DZIP1: variants seen among roughly 807,000 people sequenced by gnomAD.
The protein encoded by DZIP1 is cilium assembly protein DZIP1.
In DZIP1, 97 loss-of-function variants were observed where a neutral mutation model predicts 107.6. The observed-to-expected ratio is 0.90, with a 90% CI of 0.77 to 1.07. DZIP1 has a LOEUF of 1.07. DZIP1 is among the 50% of genes least tolerant of loss of function. The pLI, the probability that DZIP1 is intolerant of heterozygous loss-of-function variation, is 0.00. For synonymous variants in DZIP1, 390 were observed against 386.4 expected (o/e 1.01, Z -0.11); for missense variants, 1,035 against 1,063.6 (o/e 0.97, Z 0.37).
At position 95,606,051 on chromosome 13, in the gene DZIP1, G is replaced by A. The variant is rs762906838; in HGVS notation, c.1429C>T (p.Pro477Ser). 2.5e-6 allele frequency: 4 copies of A among 1,613,696 alleles called. No homozygotes were observed. The South Asian group carries it at 3.3e-5, about 13-fold the overall frequency. ...TTAGTTTCCAAAGTGTGCAGGGCTG[G>A]GGCATTCACTGAAACAGCATAAAAA... ...PAAPAVPMNA[P>S]ALHTLETKSS... is the part of the protein sequence containing the mutation. The change falls in exon 14 of 23, where the codon CCA becomes TCA. Residue 477 changes from proline (P) to serine (S), a missense_variant. By Grantham distance (74) the Pro-to-Ser change is moderately conservative. Transcript: ENST00000376829.
intron 8 of DZIP1, 98 bp downstream of exon 8, chr13:95,624,670 A>G: frequency 9.5e-7 from 1 of 1,052,494 alleles, no homozygotes. Flanking sequence ...GCACGAGGGT[A>G]ACATAAAGTA....
intron 10 of DZIP1, among the ~76,000 whole-genome samples, chr13:95,616,487 G>C (rs1875088168): frequency 6.6e-6 from 1 of 152,206 alleles, no homozygotes; most frequent in Admixed American, 6.5e-5. Flanking sequence ...GAGCTAAATA[G>C]ACAGAGCCCT....
Position 95,630,000 on chromosome 13 carries a change from T to A in DZIP1, c.799A>T (p.Arg267Ter). The change falls in exon 7 of 23, where the codon AGA (arginine) becomes TGA (stop). Residue 267 changes from arginine to a stop codon, truncating the protein, a stop_gained. Coordinates refer to ENST00000376829, the MANE Select transcript of DZIP1 (RefSeq NM_198968.4). LOFTEE classifies it high-confidence loss of function. Reference sequence around the variant, plus strand: ...ATTCTGCCTGGTACCTTGGAGAATCTGACTGCACTGGCATGGTGTGCAGCC... The same window carrying A: ...ATTCTGCCTGGTACCTTGGAGAATCAGACTGCACTGGCATGGTGTGCAGCC... Reference protein sequence around the residue: ...LEAAHHASAVRFSKEYEMQKT... With the variant: ...LEAAHHASAV The A allele has an allele frequency of 1.9e-6, 3 of 1,604,020 alleles. No individual in the cohort carries two copies. Among genetic ancestry groups the A allele is most frequent in the Non-Finnish European group, 2.5e-6 (3 of 1,177,172 alleles).
intron 16 of DZIP1, 151 bp from the exon 17 acceptor site, chr13:95,590,592 T>C (rs753084437): frequency 9.8e-6 from 7 of 713,426 alleles, no homozygotes; most frequent in African/African-American, 5.5e-5. Context: ...AGTAACACAC[T>C]GTCCCCAAAG....
rs1878617623 is a variant in DZIP1, at chr13:95,642,208, T to A, written c.-179A>T. 1 of 766,280 alleles carries A rather than the reference T, an allele frequency of 1.3e-6. No individual in the cohort carries two copies. Among genetic ancestry groups the A allele is most frequent in the East Asian group, 3.4e-5 (1 of 29,432 alleles). 47.5% of individuals were successfully genotyped at this position (766,280 alleles called of 1,614,324 possible). On this transcript the variant is annotated 5_prime_UTR_variant, in exon 4 of 23. Transcript: ENST00000376829. ...GTCCGGACCTGGAGCAAAGGGCGCG[T>A]CTGCCCGCGCAGGGTCAGCGTGCAC... is the stretch of plus-strand genomic sequence containing the variant.
intron 5 of DZIP1, among the ~76,000 whole-genome samples, chr13:95,633,748 G>A (rs533638509): frequency 2.0e-5 from 3 of 149,896 alleles, no homozygotes; most frequent in Admixed American, 6.7e-5. Flanking sequence ...CTCGCTGAAC[G>A]ATACCATCCT....
In DZIP1 at chr13:95,605,991, A is replaced by G; in HGVS notation, c.1477+12T>C. 6.2e-7 allele frequency: 1 copy of G among 1,613,478 alleles called. No individual in the cohort carries two copies. Among genetic ancestry groups the G allele is most frequent in the Non-Finnish European group, 8.5e-7 (1 of 1,179,510 alleles). On this transcript the variant is annotated intron_variant, in intron 14 of 22. Transcript: ENST00000376829. The stretch of plus-strand genomic sequence containing the variant: ...CTGCACATAAAACGCTGAGACTATT[A>G]CTGAAACTTACCATGCACCATTGGC...
At chr13:95,593,905 A>G (rs200993877) in intron 16 of DZIP1, 39 bp downstream of exon 16, 5 of 1,577,344 alleles carry the variant, frequency 3.2e-6, no homozygotes, top group East Asian at 4.5e-5. Context: ...AACAAAACAC[A>G]GCAAAACTAA....
chr13:95,612,646 G>A (rs2045050622), intron 10 of DZIP1, among the ~76,000 whole-genome samples: 1 of 152,028 alleles, frequency 6.6e-6, no homozygotes, highest in Non-Finnish European at 1.5e-5. Context: ...GTGCAGTGGA[G>A]CAATCTCGGC....
At chr13:95,640,640 A>C (rs988583389) in intron 5 of DZIP1, among the ~76,000 whole-genome samples, 1 of 152,242 alleles carries the variant, frequency 6.6e-6, no homozygotes, top group Non-Finnish European at 1.5e-5. Flanking sequence ...TGTCTAACCC[A>C]AAACAGTAGA....
chr13:95,591,331 G>A (rs934708707), intron 16 of DZIP1, among the ~76,000 whole-genome samples: 1 of 152,106 alleles, frequency 6.6e-6, no homozygotes, highest in South Asian at 2.1e-4. Flanking sequence ...CCAGCTAGAG[G>A]TGACATTTAA....
At chr13:95,635,568 T>G (rs1298621727) in intron 5 of DZIP1, among the ~76,000 whole-genome samples, 1 of 152,148 alleles carries the variant, frequency 6.6e-6, no homozygotes, top group Non-Finnish European at 1.5e-5. Context: ...CCCGGGCTCA[T>G]GACAGCTTTG....
intron 9 of DZIP1, 72 bp from the exon 10 acceptor site, chr13:95,620,019 T>C: frequency 1.3e-6 from 2 of 1,519,730 alleles, no homozygotes; most frequent in Non-Finnish European, 1.8e-6. Flanking sequence ...GAGCTTCCTT[T>C]TTAGTGAATA....
intron 6 of DZIP1, among the ~76,000 whole-genome samples, chr13:95,631,551 G>T (rs577725184): frequency 2.6e-5 from 4 of 152,122 alleles, no homozygotes; most frequent in African/African-American, 9.7e-5. Context: ...TGCCCATGGA[G>T]AAAGAGCCCT....
chr13:95,635,517 G>A (rs564340107), intron 5 of DZIP1, among the ~76,000 whole-genome samples: 1 of 151,996 alleles, frequency 6.6e-6, no homozygotes, highest in East Asian at 1.9e-4. Context: ...ATATTTCTTG[G>A]TATTGCATCT....
At chr13:95,589,719 G>T in intron 18 of DZIP1, 84 bp downstream of exon 18, 1 of 1,499,380 alleles carries the variant, frequency 6.7e-7, no homozygotes, top group Non-Finnish European at 8.9e-7. Context: ...TTTCTGTGAA[G>T]CCACCCAGTC....
At position 95,639,023 on chromosome 13, in the gene DZIP1, C is replaced by T. The variant is rs79306554; in HGVS notation, c.597+2272G>A. 7.1e-3 allele frequency among the ~76,000 whole-genome samples: 1,077 copies of T among 152,286 alleles called. 19 individuals are homozygous for T. The highest frequency in any genetic ancestry group is 5.2e-3 in the Non-Finnish European group (353 of 68,014). ...CTTTAGTATTTGTCATGCCACAAAA[C>T]GTTTTTCCCTCATTCCCAGGTATTA... On this transcript the variant is annotated intron_variant, in intron 5 of 22. Coordinates refer to ENST00000376829, the MANE Select transcript of DZIP1 (RefSeq NM_198968.4).
intron 22 of DZIP1, among the ~76,000 whole-genome samples, chr13:95,582,678 G>C (rs1382648111): frequency 6.6e-6 from 1 of 152,190 alleles, no homozygotes; most frequent in Non-Finnish European, 1.5e-5. Flanking sequence ...TGAATAGATG[G>C]TAAAGAAAGA....
intron 6 of DZIP1, among the ~76,000 whole-genome samples, chr13:95,633,018 G>A (rs746366406): frequency 1.2e-4 from 19 of 152,088 alleles, no homozygotes; most frequent in African/African-American, 2.4e-4. Context: ...TGTAAAACTC[G>A]AGAGAGAGTG....
Sources: allele counts gnomAD v4.1 joint callset (sites outside exome capture counted in the v4.1 genomes callset), GRCh38; gene constraint gnomAD v4.1.1; transcripts MANE v1.5; gene names NCBI Gene and HGNC (gene_info 2026-07-23, HGNC 2026-07-21).